PCSK5: variants seen among roughly 807,000 people sequenced by gnomAD.
PCSK5 encodes the protein prohormone convertase 5.
PCSK5 carries 129 observed loss-of-function variants against 233.2 expected under a neutral mutation model. The ratio of observed to expected loss-of-function variants is 0.55; its 90% CI spans 0.48 to 0.64. PCSK5 has a LOEUF of 0.64. Among genes scored for constraint, PCSK5 ranks in the 30% least tolerant of loss-of-function variants. PCSK5 has a pLI of 0.00. For synonymous variants in PCSK5, 825 were observed against 879.2 expected (o/e 0.94, Z 1.09); for missense variants, 2,076 against 2,430.1 (o/e 0.85, Z 3.06).
chr9:75,954,995 T>C (rs1368202937), intron 2 of PCSK5, among the ~76,000 whole-genome samples: 1 of 152,226 alleles, frequency 6.6e-6, no homozygotes, highest in African/African-American at 2.4e-5. Flanking sequence ...TTTTAGGTTC[T>C]GCACTGAATA....
Position 76,055,378 on chromosome 9 carries a change from G to A in PCSK5, c.633-12577G>A, listed in dbSNP as rs142199130. On this transcript the variant is annotated intron_variant, in intron 5 of 37. Coordinates refer to ENST00000674117, the MANE Select transcript of PCSK5 (RefSeq NM_001372043.1). ...TCACAAAAACTGATCACCACAAATA[G>A]ACTATATGATTTCTTTTTACTTCTT... Among the ~76,000 whole-genome samples, 35 of 152,116 alleles carry A rather than the reference G, an allele frequency of 2.3e-4. No homozygotes were observed. The East Asian group carries it at 6.4e-3, about 28-fold the overall frequency.
chr9:76,226,168 C>A (rs1014529093), intron 20 of PCSK5, among the ~76,000 whole-genome samples: 14 of 152,268 alleles, frequency 9.2e-5, no homozygotes, highest in South Asian at 4.2e-4. Flanking sequence ...TAGATGTTTG[C>A]ATCACTCTGA....
chr9:76,312,517 A>G (rs956541234), intron 30 of PCSK5, among the ~76,000 whole-genome samples: 1 of 152,078 alleles, frequency 6.6e-6, no homozygotes, highest in African/African-American at 2.4e-5. Context: ...CTCAAAAAAA[A>G]AAAAAAGCAA....
intron 20 of PCSK5, among the ~76,000 whole-genome samples, chr9:76,226,137 G>A (rs1018112916): frequency 1.3e-5 from 2 of 152,152 alleles, no homozygotes; most frequent in Non-Finnish European, 2.9e-5. Flanking sequence ...AGAGCCCGGG[G>A]TGTGCAGGGT....
chr9:75,938,604 C>T (rs146381936), intron 2 of PCSK5, among the ~76,000 whole-genome samples: 3 of 152,280 alleles, frequency 2.0e-5, no homozygotes, highest in East Asian at 1.9e-4. Flanking sequence ...TTGTAAAAAG[C>T]GCAATATCTG....
At chr9:76,174,747 GATTAA>G (rs757776139) in intron 13 of PCSK5, among the ~76,000 whole-genome samples, 2 of 152,174 alleles carry the variant, frequency 1.3e-5, no homozygotes, top group African/African-American at 2.4e-5. Context: ...TATAAATGCT[GATTAA>G]ATCAAGGCCT....
chr9:76,147,524 C>T (rs919848536), intron 10 of PCSK5, among the ~76,000 whole-genome samples: 1 of 152,176 alleles, frequency 6.6e-6, no homozygotes, highest in Non-Finnish European at 1.5e-5. Context: ...ATACCAGCAT[C>T]ACCTGAAAGC....
intron 2 of PCSK5, among the ~76,000 whole-genome samples, chr9:75,983,636 A>C (rs1826372880): frequency 6.6e-6 from 1 of 152,218 alleles, no homozygotes; most frequent in South Asian, 2.1e-4. Context: ...GTAGTTCCTT[A>C]ATGTATTGGA....
At chr9:76,241,364 C>T (rs1390706440) in intron 24 of PCSK5, among the ~76,000 whole-genome samples, 1 of 152,224 alleles carries the variant, frequency 6.6e-6, no homozygotes, top group Non-Finnish European at 1.5e-5. Context: ...ATTGCTTGAA[C>T]CCAGGAGTCA....
intron 10 of PCSK5, among the ~76,000 whole-genome samples, chr9:76,148,789 C>T (rs1823555218): frequency 6.6e-6 from 1 of 152,176 alleles, no homozygotes; most frequent in Admixed American, 6.5e-5. Context: ...CAATAGGTTC[C>T]CTGCCTTAGT....
At chr9:75,996,868 A>G (rs1827044930) in intron 3 of PCSK5, among the ~76,000 whole-genome samples, 1 of 145,128 alleles carries the variant, frequency 6.9e-6, no homozygotes, top group Non-Finnish European at 1.5e-5. Context: ...TTTAATTAGT[A>G]ACTCATTCTC....
chr9:75,928,230 A>G (rs1319527196), intron 1 of PCSK5, among the ~76,000 whole-genome samples: 3 of 152,066 alleles, frequency 2.0e-5, no homozygotes, highest in Admixed American at 6.5e-5. Flanking sequence ...TTTGCTATCG[A>G]TTTTATACTT....
chr9:76,128,648 C>T (rs6560500), intron 9 of PCSK5, among the ~76,000 whole-genome samples: 86,300 of 152,004 alleles, frequency 0.57, 24,590 homozygotes, highest in East Asian at 0.68. Flanking sequence ...GGGCTATCTT[C>T]TCTTAAGTGT....
intron 17 of PCSK5, among the ~76,000 whole-genome samples, chr9:76,187,370 G>GTAA (rs933217514): frequency 2.6e-5 from 4 of 151,708 alleles, no homozygotes; most frequent in African/African-American, 9.7e-5. Context: ...ATTAACTATT[G>GTAA]TAATTTTTTT....
rs375360383 is a variant in PCSK5 at position 76,308,597 on chromosome 9, G to C, written c.3605-48G>C. On this transcript the variant is annotated intron_variant, in intron 28 of 37. Transcript: ENST00000674117. ...ATCTTTTTCAGTACTGGAATCCTAT[G>C]TGCCTATTCCAAGGAGAAGCCTGAA... The C allele has an allele frequency of 1.8e-5, 19 of 1,039,500 alleles. No individual in the cohort carries two copies. In the African/African-American group the frequency reaches 2.7e-4, roughly 15 times the overall value. 64.4% of individuals were successfully genotyped at this position (1,039,500 alleles called of 1,614,324 possible).
At chr9:76,230,651 C>T (rs191086369) in intron 21 of PCSK5, among the ~76,000 whole-genome samples, 10 of 152,298 alleles carry the variant, frequency 6.6e-5, no homozygotes, top group African/African-American at 1.4e-4. Flanking sequence ...AGCCACTCCC[C>T]GTTGCTCATA....
At chr9:76,328,551 A>G (rs1053327688) in intron 33 of PCSK5, among the ~76,000 whole-genome samples, 2 of 152,040 alleles carry the variant, frequency 1.3e-5, no homozygotes, top group Admixed American at 1.3e-4. Flanking sequence ...CTCTCAATGT[A>G]TACATGTACA....
intron 2 of PCSK5, among the ~76,000 whole-genome samples, chr9:75,971,794 A>G (rs1351751680): frequency 6.6e-6 from 1 of 150,998 alleles, no homozygotes; most frequent in African/African-American, 2.4e-5. Flanking sequence ...TTTCTTGTAA[A>G]TTTAAGTTCC....
chr9:76,212,021 A>T lies in PCSK5; in HGVS notation c.2627-15482A>T, dbSNP rs561613684. Among the ~76,000 whole-genome samples, 16 of 152,292 alleles carry T rather than the reference A, an allele frequency of 1.1e-4. No individual in the cohort carries two copies. In the South Asian group the frequency reaches 3.1e-3, roughly 30 times the overall value. ...CTTCATAATTGATTAAATAGCAGCT[A>T]CGCTTGGGACCATTCTAAATGGTCC... On this transcript the variant is annotated intron_variant, in intron 20 of 37. Transcript: ENST00000674117.
Sources: gnomAD v4.1 joint callset for allele counts (sites outside exome capture counted in the v4.1 genomes callset) on GRCh38, gnomAD v4.1.1 for gene constraint, MANE v1.5 for transcripts, NCBI Gene and HGNC (gene_info 2026-07-23, HGNC 2026-07-21) for gene names.